Variants in SYT1 observed in about 807,000 individuals in gnomAD.
SYT1 encodes synaptotagmin 1.
A neutral mutation model predicts 44.8 loss-of-function variants in SYT1; 8 were observed. The observed-to-expected ratio is 0.18, with a 90% CI of 0.10 to 0.32. The LOEUF is 0.32. Among genes scored for constraint, SYT1 ranks in the 10% least tolerant of loss-of-function variants. The pLI, the probability that SYT1 is intolerant of heterozygous loss-of-function variation, is 1.00. For synonymous variants in SYT1, 154 were observed against 188.8 expected, an observed-to-expected ratio of 0.82 and a Z score of 1.51; for missense variants, 286 against 509.3, an observed-to-expected ratio of 0.56 and a Z score of 4.22.
chr12:79,286,012 A>G, intron 5 of SYT1, 41 bp downstream of exon 5: 1 of 1,552,106 alleles, frequency 6.4e-7, no homozygotes, highest in Non-Finnish European at 8.7e-7. Context: ...TTTGTTTAAA[A>G]AAGATAAACA....
chr12:79,387,944 T>C (rs1034634094), intron 9 of SYT1, among the ~76,000 whole-genome samples: 2 of 152,250 alleles, frequency 1.3e-5, no homozygotes, highest in Non-Finnish European at 2.9e-5. Context: ...GTTTGATCAA[T>C]ACATGCAATT....
intron 1 of SYT1, among the ~76,000 whole-genome samples, chr12:78,927,512 G>C (rs115019086): frequency 0.015 from 2,235 of 152,154 alleles, 55 homozygotes; most frequent in African/African-American, 0.051. Context: ...TCTGACCATG[G>C]AATCAAGCTT....
chr12:79,343,073 A>G (rs114942798), intron 8 of SYT1, among the ~76,000 whole-genome samples: 411 of 152,338 alleles, frequency 2.7e-3, no homozygotes, highest in African/African-American at 9.5e-3. Context: ...TAAAATCAGG[A>G]AATCATTGTA....
chr12:79,425,834 C>G (rs1328164151), intron 9 of SYT1, among the ~76,000 whole-genome samples: 1 of 152,134 alleles, frequency 6.6e-6, no homozygotes, highest in African/African-American at 2.4e-5. Flanking sequence ...CTGCAAAGCA[C>G]TAATAATACT....
chr12:79,417,798 A>AC (rs1868842064), intron 9 of SYT1, among the ~76,000 whole-genome samples: 1 of 138,994 alleles, frequency 7.2e-6, no homozygotes, highest in African/African-American at 2.7e-5. Flanking sequence ...CCCCACTCCC[A>AC]CCCCCCACTT....
intron 1 of SYT1, among the ~76,000 whole-genome samples, chr12:78,882,154 C>A (rs1036863588): frequency 3.2e-4 from 48 of 151,666 alleles, no homozygotes; most frequent in Non-Finnish European, 6.2e-4. Context: ...AGTAGATGTT[C>A]AAAAAACGTT....
intron 8 of SYT1, among the ~76,000 whole-genome samples, chr12:79,301,139 T>G (rs1265890101): frequency 1.3e-5 from 2 of 152,064 alleles, no homozygotes; most frequent in African/African-American, 4.8e-5. Flanking sequence ...TAAGAAATGT[T>G]TATTAACTGA....
chr12:79,230,998 C>T (rs1875835868), intron 4 of SYT1, among the ~76,000 whole-genome samples: 1 of 152,146 alleles, frequency 6.6e-6, no homozygotes, highest in South Asian at 2.1e-4. Flanking sequence ...ACTACATTTT[C>T]ACTAAGCAAA....
intron 2 of SYT1, among the ~76,000 whole-genome samples, chr12:78,994,947 C>G (rs1870273776): frequency 6.6e-6 from 1 of 152,080 alleles, no homozygotes; most frequent in Non-Finnish European, 1.5e-5. Context: ...GGTCATCCCA[C>G]CTGTGATTGC....
At chr12:79,397,278 G>A (rs961139841) in intron 9 of SYT1, among the ~76,000 whole-genome samples, 15 of 152,182 alleles carry the variant, frequency 9.9e-5, no homozygotes, top group Non-Finnish European at 1.5e-4. Context: ...TGCCCAGGCT[G>A]GAGTGCAGTG....
chr12:79,183,296 C>A (rs1222862757), intron 3 of SYT1, among the ~76,000 whole-genome samples: 1 of 151,916 alleles, frequency 6.6e-6, no homozygotes, highest in Non-Finnish European at 1.5e-5. Flanking sequence ...TTTTAGTGAA[C>A]ACAGTAAGTT....
chr12:78,999,043 A>T (rs1279044561), intron 2 of SYT1, among the ~76,000 whole-genome samples: 1 of 152,224 alleles, frequency 6.6e-6, no homozygotes, highest in African/African-American at 2.4e-5. Context: ...GAACATCAAT[A>T]CTTTGGACCA....
intron 4 of SYT1, among the ~76,000 whole-genome samples, chr12:79,235,613 A>G (rs1240205370): frequency 4.7e-5 from 7 of 148,664 alleles, no homozygotes; most frequent in African/African-American, 1.7e-4. Flanking sequence ...ATAGATATAA[A>G]TATATATGTA....
At chr12:79,229,632 C>T (rs1387714203) in intron 4 of SYT1, among the ~76,000 whole-genome samples, 2 of 150,214 alleles carry the variant, frequency 1.3e-5, no homozygotes, top group East Asian at 1.9e-4. Context: ...TTTGCTTTGT[C>T]GCCCAGGCTG....
At chr12:78,985,516 TC>T (rs11355995) in intron 2 of SYT1, among the ~76,000 whole-genome samples, 12,699 of 151,672 alleles carry the variant, frequency 0.084, 654 homozygotes, top group African/African-American at 0.14. Context: ...TCTGATGGCA[TC>T]CAAGAAAGTG....
At chr12:79,006,360 G>A (rs995676614) in intron 2 of SYT1, among the ~76,000 whole-genome samples, 2 of 152,046 alleles carry the variant, frequency 1.3e-5, no homozygotes, top group Non-Finnish European at 2.9e-5. Flanking sequence ...GCCAAAGAGT[G>A]GCTAGTATGT....
chr12:79,280,367 C>G (rs533481136), intron 4 of SYT1, among the ~76,000 whole-genome samples: 1 of 152,174 alleles, frequency 6.6e-6, no homozygotes, highest in Non-Finnish European at 1.5e-5. Flanking sequence ...GCCAACTGAT[C>G]TTCAACAAAG....
chr12:79,397,682 T>C (rs905872241), intron 9 of SYT1, among the ~76,000 whole-genome samples: 2 of 152,234 alleles, frequency 1.3e-5, no homozygotes, highest in Admixed American at 6.5e-5. Flanking sequence ...AAGATTCTAA[T>C]TGATGACCTA....
chr12:79,380,854 T>C (rs1056502162), intron 9 of SYT1, among the ~76,000 whole-genome samples: 5 of 152,200 alleles, frequency 3.3e-5, no homozygotes, highest in Non-Finnish European at 5.9e-5. Context: ...CCCTAGGAGT[T>C]TCCTGGGGTT....
Sources: allele counts gnomAD v4.1 joint callset (sites outside exome capture counted in the v4.1 genomes callset), GRCh38; gene constraint gnomAD v4.1.1; transcripts MANE v1.5; gene names NCBI Gene and HGNC (gene_info 2026-07-23, HGNC 2026-07-21).